The following DDX60L variants were observed in gnomAD, a reference collection of about 807,000 sequenced individuals.
The protein encoded by DDX60L is probable ATP-dependent RNA helicase DDX60-like.
A neutral mutation model predicts 211.6 loss-of-function variants in DDX60L; 191 were observed. That is an observed-to-expected ratio of 0.90 (90% CI 0.80 to 1.02). DDX60L has a LOEUF of 1.02. DDX60L is among the 50% of genes least tolerant of loss of function. The probability of loss-of-function intolerance (pLI) is 0.00; values close to 1 mark genes in which losing one functional copy is unlikely to be tolerated. For synonymous variants in DDX60L, 706 were observed against 694.1 expected (o/e 1.02, Z -0.27); for missense variants, 2,007 against 1,984.1 (o/e 1.01, Z -0.22).
intron 19 of DDX60L, among the ~76,000 whole-genome samples, chr4:168,417,525 T>C (rs1749766613): frequency 6.6e-6 from 1 of 152,252 alleles, no homozygotes; most frequent in South Asian, 2.1e-4. Context: ...TCCAAAGTTG[T>C]TGTTCTTACT....
In DDX60L at chr4:168,453,157, A is replaced by G; in HGVS notation, c.963T>C (p.Ser321=). 2.5e-6 allele frequency: 4 copies of G among 1,612,580 alleles called. No homozygotes were observed. The highest frequency in any genetic ancestry group is 3.4e-6 in the Non-Finnish European group (4 of 1,179,260). Residue 321 remains serine (S), a synonymous_variant, in exon 8 of 38, where the codon TCT becomes TCC. Coordinates refer to ENST00000682922, the MANE Select transcript of DDX60L (RefSeq NM_001012967.3). ...QRACSRVITC[S]WIRNSDSFLK... is the part of the protein sequence containing the mutation. The stretch of plus-strand genomic sequence containing the variant: ...AGAAAGAATCACTGTTCCTAATCCA[A>G]GAGCATGTGATGACTCGAGAACAAG...
At chr4:168,479,529 C>T (rs1359203290) in intron 1 of DDX60L, among the ~76,000 whole-genome samples, 1 of 152,070 alleles carries the variant, frequency 6.6e-6, no homozygotes, top group African/African-American at 2.4e-5. Flanking sequence ...GGCCCCATCA[C>T]GGATGATGTC....
chr4:168,372,425 G>T (rs1312190863), intron 35 of DDX60L, among the ~76,000 whole-genome samples: 1 of 152,082 alleles, frequency 6.6e-6, no homozygotes, highest in East Asian at 1.9e-4. Flanking sequence ...GAGCAAGTTG[G>T]AATAAAAATA....
chr4:168,437,366 A>T (rs1208234993), intron 10 of DDX60L, among the ~76,000 whole-genome samples: 1 of 152,204 alleles, frequency 6.6e-6, no homozygotes, highest in Non-Finnish European at 1.5e-5. Context: ...AGGTAGAGGC[A>T]GAGATGAAAG....
intron 10 of DDX60L, among the ~76,000 whole-genome samples, chr4:168,440,360 C>A (rs1264983023): frequency 1.3e-5 from 2 of 152,214 alleles, no homozygotes; most frequent in Non-Finnish European, 2.9e-5. Context: ...AGCTGCATTT[C>A]TATGTATATA....
Position 168,379,514 on chromosome 4 carries a change from A to G in DDX60L, c.4222-10T>C. On this transcript the variant is annotated splice_polypyrimidine_tract_variant and intron_variant, in intron 31 of 37. Transcript: ENST00000682922. The stretch of plus-strand genomic sequence containing the variant: ...TTTTATTTAAATAGTCCTAAAAATG[A>G]GAAACAAAAAGTTGATTTAACTTGT... 6.5e-7 allele frequency: 1 copy of G among 1,537,610 alleles called. No individual in the cohort carries two copies. The highest frequency in any genetic ancestry group is 8.7e-7 in the Non-Finnish European group (1 of 1,145,250).
intron 37 of DDX60L, among the ~76,000 whole-genome samples, chr4:168,359,464 G>A (rs1239241793): frequency 6.6e-6 from 1 of 152,004 alleles, no homozygotes; most frequent in Non-Finnish European, 1.5e-5. Context: ...TTTCCCCATT[G>A]CATGAATTCC....
chr4:168,369,846 G>A (rs887478391), intron 36 of DDX60L, among the ~76,000 whole-genome samples: 1 of 152,086 alleles, frequency 6.6e-6, no homozygotes, highest in East Asian at 1.9e-4. Flanking sequence ...ATCATAAAAT[G>A]CCAATCAAAA....
At chr4:168,455,737 G>A (rs1756473004) in intron 7 of DDX60L, among the ~76,000 whole-genome samples, 1 of 152,084 alleles carries the variant, frequency 6.6e-6, no homozygotes, top group Non-Finnish European at 1.5e-5. Context: ...TAGAAGAACT[G>A]GGCCAAATAA....
chr4:168,392,650 C>T (rs1449162441), intron 28 of DDX60L, among the ~76,000 whole-genome samples: 1 of 152,066 alleles, frequency 6.6e-6, no homozygotes, highest in Admixed American at 6.5e-5. Context: ...TCGAGACCAG[C>T]CTGACCAACA....
At chr4:168,426,888 C>T (rs17612466) in intron 14 of DDX60L, among the ~76,000 whole-genome samples, 182 bp downstream of exon 14, 20,332 of 152,164 alleles carry the variant, frequency 0.13, 1,862 homozygotes, top group Non-Finnish European at 0.19. Context: ...TCTGTCTAAC[C>T]TCTGCAATTC....
intron 29 of DDX60L, chr4:168,390,508 C>T: frequency 7.1e-7 from 1 of 1,401,084 alleles, no homozygotes; most frequent in South Asian, 1.8e-5. Flanking sequence ...CTTCATATTC[C>T]AGTCTAGGAG....
Position 168,415,831 on chromosome 4 carries a change from A to G in DDX60L, c.2727-32T>C, listed in dbSNP as rs1426370141. 6 of 1,451,944 alleles carry G rather than the reference A, an allele frequency of 4.1e-6. No individual in the cohort carries two copies. In the South Asian group the frequency reaches 7.3e-5, roughly 18 times the overall value. The allele number at this position is 1,451,944 out of a possible 1,614,324, so 89.9% of individuals were successfully genotyped here. On this transcript the variant is annotated intron_variant, in intron 20 of 37. Coordinates refer to ENST00000682922, the MANE Select transcript of DDX60L (RefSeq NM_001012967.3). ...GAATAAACATGCATATAATTTAAAT[A>G]AAATATAGAAGTATTTATCAAGAAC...
intron 31 of DDX60L, 43 bp downstream of exon 31, chr4:168,379,683 C>G (rs369050206): frequency 5.4e-6 from 8 of 1,469,532 alleles, no homozygotes; most frequent in African/African-American, 1.4e-5. Flanking sequence ...GAAGTTTACA[C>G]GGTACTAGTT....
At chr4:168,457,553 C>G (rs1352924899) in intron 6 of DDX60L, among the ~76,000 whole-genome samples, 1 of 151,860 alleles carries the variant, frequency 6.6e-6, no homozygotes, top group Non-Finnish European at 1.5e-5. Context: ...TAATTAATTC[C>G]ACATTTTGAC....
intron 9 of DDX60L, among the ~76,000 whole-genome samples, chr4:168,443,908 A>G (rs1754337979): frequency 6.9e-6 from 1 of 145,202 alleles, no homozygotes; most frequent in Non-Finnish European, 1.5e-5. Context: ...AACCGGTACC[A>G]GCCGCTGCAA....
At chr4:168,370,351 C>A (rs925608345) in intron 36 of DDX60L, among the ~76,000 whole-genome samples, 2 of 151,982 alleles carry the variant, frequency 1.3e-5, no homozygotes, top group Non-Finnish European at 2.9e-5. Flanking sequence ...ATATCACTCA[C>A]ATGTAAAGTT....
rs1377563135 is a variant in DDX60L at position 168,375,393 on chromosome 4, G to A, written c.4617C>T (p.Leu1539=). Residue 1539 remains leucine, a synonymous_variant, in exon 34 of 38, where the codon CTC becomes CTT. Transcript: ENST00000682922. ...KSVNMKKEHQ[L]PLSRIKFTGK... is the part of the protein sequence containing the mutation. ...TCTGCTTACTGATTCTTGACAAAGG[G>A]AGTTGATGCTCTTTTTTCATGTTCA... 5 of 1,612,306 alleles carry A rather than the reference G, an allele frequency of 3.1e-6. No homozygotes were observed. Among genetic ancestry groups the A allele is most frequent in the Admixed American group, 1.7e-5 (1 of 59,748 alleles).
At chr4:168,449,812 A>T (rs947370296) in intron 8 of DDX60L, among the ~76,000 whole-genome samples, 10 of 94,754 alleles carry the variant, frequency 1.1e-4, no homozygotes, top group East Asian at 8.3e-4. Context: ...AAATAAAAAA[A>T]AAAAAAAAAA....
Sources: allele counts gnomAD v4.1 joint callset (sites outside exome capture counted in the v4.1 genomes callset), GRCh38; gene constraint gnomAD v4.1.1; transcripts MANE v1.5; gene names NCBI Gene and HGNC (gene_info 2026-07-23, HGNC 2026-07-21).